ADCY2: variants seen among roughly 807,000 people sequenced by gnomAD.
ADCY2 encodes adenylate cyclase 2.
Under a neutral mutation model 125.2 loss-of-function variants are expected in ADCY2, and 31 were observed. The observed-to-expected ratio is 0.25, with a 90% CI of 0.19 to 0.33. The LOEUF is 0.33. Among genes scored for constraint, ADCY2 ranks in the 10% least tolerant of loss-of-function variants. The probability of loss-of-function intolerance (pLI) is 1.00; values close to 1 mark genes in which losing one functional copy is unlikely to be tolerated. For missense variants in ADCY2, 904 were observed against 1,418.2 expected, an observed-to-expected ratio of 0.64 and a Z score of 5.82; for synonymous variants, 512 against 548.4, an observed-to-expected ratio of 0.93 and a Z score of 0.93.
chr5:7,765,456 TAAAG>T (rs1261871767), intron 16 of ADCY2, among the ~76,000 whole-genome samples: 1 of 152,210 alleles, frequency 6.6e-6, no homozygotes, highest in African/African-American at 2.4e-5. Flanking sequence ...TCATCATACA[TAAAG>T]AAATCTACTA....
At chr5:7,679,299 G>A (rs1274874109) in intron 4 of ADCY2, among the ~76,000 whole-genome samples, 1 of 152,206 alleles carries the variant, frequency 6.6e-6, no homozygotes, top group South Asian at 2.1e-4. Flanking sequence ...GCGGGTCTGA[G>A]GCTGCAGGGT....
At chr5:7,692,876 G>A (rs148867767) in intron 5 of ADCY2, among the ~76,000 whole-genome samples, 6 of 151,956 alleles carry the variant, frequency 3.9e-5, no homozygotes, top group Non-Finnish European at 7.4e-5. Flanking sequence ...TCGTCTTCTG[G>A]GACTTTAATT....
intron 3 of ADCY2, among the ~76,000 whole-genome samples, chr5:7,582,923 A>G (rs979967387): frequency 1.3e-5 from 2 of 152,144 alleles, no homozygotes; most frequent in South Asian, 2.1e-4. Context: ...TGTCTTTTTC[A>G]TAGATCAGTT....
chr5:7,717,595 A>G (rs1239193888), intron 12 of ADCY2, among the ~76,000 whole-genome samples: 1 of 152,190 alleles, frequency 6.6e-6, no homozygotes, highest in Non-Finnish European at 1.5e-5. Context: ...TCCAAAATGC[A>G]TCTGTTCTTA....
rs752098719 is a variant in ADCY2 at position 7,707,808 on chromosome 5, G to C, written c.1371G>C (p.Leu457=). ...GGGACCCATATTTAAAACAGCACCT[G>C]GTGAAAACCTACTTTGTGATCAACC... The part of the protein sequence containing the change: ...DIRDPYLKQH[L]VKTYFVINPK... Residue 457 remains leucine, a synonymous_variant, in exon 9 of 25, where the codon CTG becomes CTC. Transcript: ENST00000338316. The C allele has an allele frequency of 1.2e-6, 2 of 1,613,996 alleles. No homozygotes were observed. The highest frequency in any genetic ancestry group is 1.7e-6 in the Non-Finnish European group (2 of 1,179,992).
chr5:7,762,867 G>A (rs1743267445), intron 16 of ADCY2, among the ~76,000 whole-genome samples: 1 of 152,106 alleles, frequency 6.6e-6, no homozygotes, highest in Non-Finnish European at 1.5e-5. Context: ...ATTTGTGTTG[G>A]TGGAGTGGGG....
intron 3 of ADCY2, among the ~76,000 whole-genome samples, chr5:7,585,774 G>GT (rs1251861837): frequency 6.6e-6 from 1 of 152,174 alleles, no homozygotes; most frequent in African/African-American, 2.4e-5. Context: ...TTCGGGATTA[G>GT]TATCCAAACC....
intron 3 of ADCY2, among the ~76,000 whole-genome samples, chr5:7,603,694 TAGA>T (rs934387865): frequency 6.9e-5 from 10 of 144,234 alleles, no homozygotes; most frequent in African/African-American, 1.8e-4. Flanking sequence ...CTGGAGTGTG[TAGA>T]AGAAGACACC....
chr5:7,449,925 T>C (rs1741410569), intron 2 of ADCY2, among the ~76,000 whole-genome samples: 1 of 152,186 alleles, frequency 6.6e-6, no homozygotes, highest in South Asian at 2.1e-4. Flanking sequence ...TTTAAGTGTT[T>C]TGGGGCACCA....
chr5:7,399,996 G>A (rs780545064), intron 1 of ADCY2, among the ~76,000 whole-genome samples: 12 of 151,666 alleles, frequency 7.9e-5, no homozygotes, highest in Non-Finnish European at 1.2e-4. Context: ...ATTACTGAAT[G>A]CATGAAAACC....
Position 7,418,547 on chromosome 5 carries a change from CTCCTAGAG to C in ADCY2, c.408+3780_408+3787del, listed in dbSNP as rs569428794. ...CTTGGAGAGACATCGAGTCCTGCCCCTCCTAGAGTCTGAAGTCCTGCCCAACACTTCTA... is the reference window on the plus strand; with the variant it reads ...CTTGGAGAGACATCGAGTCCTGCCCCTCTGAAGTCCTGCCCAACACTTCTA... On this transcript the variant is annotated intron_variant, in intron 2 of 24. Transcript: ENST00000338316. Among the ~76,000 whole-genome samples, 5 of 152,104 alleles carry C rather than the reference CTCCTAGAG, an allele frequency of 3.3e-5. No homozygotes were observed. In the East Asian group the frequency reaches 9.7e-4, roughly 29 times the overall value.
chr5:7,671,902 A>G (rs1739948960), intron 4 of ADCY2, among the ~76,000 whole-genome samples: 1 of 152,210 alleles, frequency 6.6e-6, no homozygotes, highest in Non-Finnish European at 1.5e-5. Context: ...GGTGAGGAAA[A>G]TGATGCCCCG....
chr5:7,597,317 A>G (rs1228796794), intron 3 of ADCY2, among the ~76,000 whole-genome samples: 1 of 152,148 alleles, frequency 6.6e-6, no homozygotes, highest in Non-Finnish European at 1.5e-5. Flanking sequence ...CCTCTTTGAG[A>G]AGTTGGGCAC....
intron 12 of ADCY2, among the ~76,000 whole-genome samples, chr5:7,722,678 G>T (rs530028480): frequency 3.9e-5 from 6 of 152,196 alleles, no homozygotes; most frequent in African/African-American, 7.2e-5. Flanking sequence ...AATGAGATCT[G>T]CCAGGTGTGG....
rs150738890 is a variant in ADCY2 at position 7,584,851 on chromosome 5, G to A, written c.571-41316G>A. On this transcript the variant is annotated intron_variant, in intron 3 of 24. Transcript: ENST00000338316. Reference sequence around the variant, plus strand: ...TGTGGACGCAAATTTGCCAAAATGCGTGAAATGAATTAGAACTCTCTAAAA... The same window carrying A: ...TGTGGACGCAAATTTGCCAAAATGCATGAAATGAATTAGAACTCTCTAAAA... 2.9e-3 allele frequency among the ~76,000 whole-genome samples: 436 copies of A among 152,222 alleles called. 2 individuals carry two copies. Among genetic ancestry groups the A allele is most frequent in the African/African-American group, 9.8e-3 (405 of 41,520 alleles).
Position 7,816,916 on chromosome 5 carries a change from T to C in ADCY2, c.2934T>C (p.Phe978=). The C allele has an allele frequency of 6.2e-7, 1 of 1,614,170 alleles. No individual in the cohort carries two copies. Among genetic ancestry groups the C allele is most frequent in the Non-Finnish European group, 8.5e-7 (1 of 1,180,030 alleles). The part of the protein sequence containing the change: ...MHIGTMVEFA[F]ALVGKLDAIN... ...TTGGCACCATGGTGGAGTTTGCTTT[T>C]GCCCTGGTAGGGAAGCTGGATGCCA... The change falls in exon 23 of 25, where the codon TTT becomes TTC. Residue 978 remains phenylalanine, a synonymous_variant. Transcript: ENST00000338316.
intron 3 of ADCY2, among the ~76,000 whole-genome samples, chr5:7,531,430 A>G (rs1342194989): frequency 2.0e-5 from 3 of 152,196 alleles, no homozygotes; most frequent in Non-Finnish European, 4.4e-5. Context: ...GAGAAACGGT[A>G]TTGGTTTCCA....
intron 2 of ADCY2, among the ~76,000 whole-genome samples, chr5:7,497,760 A>G (rs1299514736): frequency 1.3e-5 from 2 of 152,154 alleles, no homozygotes; most frequent in Non-Finnish European, 2.9e-5. Flanking sequence ...GCCTGAACTA[A>G]ACAATGTTCT....
At chr5:7,765,399 G>A (rs115986467) in intron 16 of ADCY2, among the ~76,000 whole-genome samples, 1,549 of 152,232 alleles carry the variant, frequency 0.01, 15 homozygotes, top group Non-Finnish European at 0.016. Flanking sequence ...CAAAATGTTA[G>A]CACATTTGTA....
Sources: allele counts gnomAD v4.1 joint callset (sites outside exome capture counted in the v4.1 genomes callset), GRCh38; gene constraint gnomAD v4.1.1; transcripts MANE v1.5; gene names NCBI Gene and HGNC (gene_info 2026-07-23, HGNC 2026-07-21).